TTYH1: variants seen among roughly 807,000 people sequenced by gnomAD.
The protein encoded by TTYH1 is tweety family member 1.
Under a neutral mutation model 61.2 loss-of-function variants are expected in TTYH1, and 33 were observed. That is an observed-to-expected ratio of 0.54 (90% CI 0.41 to 0.72). The LOEUF (loss-of-function observed/expected upper bound fraction) is 0.72, where lower values mean the gene tolerates loss of function less well. TTYH1 is among the 30% of genes least tolerant of loss of function. The probability of loss-of-function intolerance (pLI) is 0.00; values close to 1 mark genes in which losing one functional copy is unlikely to be tolerated. For synonymous variants in TTYH1, 308 were observed against 266.4 expected (o/e 1.16, Z -1.52); for missense variants, 538 against 575.8 (o/e 0.93, Z 0.67).
At chr19:54,431,234 T>C (rs1428579052) in intron 10 of TTYH1, 43 bp downstream of exon 10, 12 of 1,444,838 alleles carry the variant, frequency 8.3e-6, no homozygotes, top group Non-Finnish European at 1.2e-5. Flanking sequence ...ACGGGGGGCC[T>C]CTGTCTCGAC....
chr19:54,431,079 G>C lies in TTYH1; in HGVS notation c.1033-20G>C, dbSNP rs369258936. 1 of 1,597,024 alleles carries C rather than the reference G, an allele frequency of 6.3e-7. No individual in the cohort carries two copies. Among genetic ancestry groups the C allele is most frequent in the East Asian group, 2.2e-5 (1 of 44,792 alleles). On this transcript the variant is annotated intron_variant, in intron 9 of 13. Coordinates refer to ENST00000376530, the MANE Select transcript of TTYH1 (RefSeq NM_020659.4). Reference sequence around the variant, plus strand: ...GGGCCTGAAGAGTTCGTGGGAAAACGACCCCTCCTCGCCCCGCAGAAGCCT... The same window carrying C: ...GGGCCTGAAGAGTTCGTGGGAAAACCACCCCTCCTCGCCCCGCAGAAGCCT...
Position 54,429,154 on chromosome 19 carries a change from C to A in TTYH1, c.735-153C>A, listed in dbSNP as rs1460713576. ...GGACATCAGCAGCCACTGGCCTACCCCCAACCACTGAACTTGTGTTTCCCT... is the reference window on the plus strand; with the variant it reads ...GGACATCAGCAGCCACTGGCCTACCACCAACCACTGAACTTGTGTTTCCCT... On this transcript the variant is annotated intron_variant, in intron 5 of 13. Coordinates refer to ENST00000376530, the MANE Select transcript of TTYH1 (RefSeq NM_020659.4). The surrounding 1 kb of genome is among the most constrained non-coding windows in gnomAD (Gnocchi z 5.1). Among the ~76,000 whole-genome samples, 1 of 152,164 alleles carries A rather than the reference C, an allele frequency of 6.6e-6. No individual in the cohort carries two copies. The highest frequency in any genetic ancestry group is 1.5e-5 in the Non-Finnish European group (1 of 68,030).
At chr19:54,431,295 G>C in intron 10 of TTYH1, 104 bp downstream of exon 10, 1 of 754,554 alleles carries the variant, frequency 1.3e-6, no homozygotes, top group Non-Finnish European at 2.3e-6. Context: ...TGCGCCTGAG[G>C]ATATCTCTGT....
At chr19:54,418,498 C>T (rs1446624907) in intron 1 of TTYH1, 1 of 152,514 alleles carries the variant, frequency 6.6e-6, no homozygotes, top group Non-Finnish European at 1.5e-5. Context: ...CTCTCTCTCT[C>T]TCTCTTTCTG....
chr19:54,421,684 C>T lies in TTYH1; in HGVS notation c.417+296C>T, dbSNP rs2083220659. ...CCCTGTCCACGGGCCAGATCCAGGG[C>T]CCCAGACCTGATTCTTGGCCCGTAA... On this transcript the variant is annotated intron_variant, in intron 3 of 13. Transcript: ENST00000376530. This position sits in a 1 kb window ranked among gnomAD's most constrained non-coding sequence, Gnocchi z 4.8. Among the ~76,000 whole-genome samples, 5 of 152,114 alleles carry T rather than the reference C, an allele frequency of 3.3e-5. No homozygotes were observed. The South Asian group carries it at 1.0e-3, about 32-fold the overall frequency.
chr19:54,415,953 C>G lies in TTYH1; in HGVS notation c.126+275C>G, dbSNP rs557495933. The G allele has an allele frequency of 1.8e-5, 20 of 1,106,314 alleles. No individual in the cohort carries two copies. The highest frequency in any genetic ancestry group is 1.4e-4 in the South Asian group (10 of 72,620). 68.5% of individuals were successfully genotyped at this position (1,106,314 alleles called of 1,614,324 possible). ...TTCATGGAGAGGAGGGGAGGGGGGC[C>G]CGGATTCCCGGGTGTCTGATACCTG... On this transcript the variant is annotated intron_variant, in intron 1 of 13. Coordinates refer to ENST00000376530, the MANE Select transcript of TTYH1 (RefSeq NM_020659.4). This position sits in a 1 kb window ranked among gnomAD's most constrained non-coding sequence, Gnocchi z 5.2.
At position 54,415,520 on chromosome 19, in the gene TTYH1, G is replaced by T; in HGVS notation, c.-33G>T. 4.3e-6 allele frequency: 6 copies of T among 1,391,324 alleles called. No homozygotes were observed. Among genetic ancestry groups the T allele is most frequent in the Non-Finnish European group, 5.6e-6 (6 of 1,077,824 alleles). The allele number at this position is 1,391,324 out of a possible 1,614,324, so 86.2% of individuals were successfully genotyped here. On this transcript the variant is annotated 5_prime_UTR_variant, in exon 1 of 14. Coordinates refer to ENST00000376530, the MANE Select transcript of TTYH1 (RefSeq NM_020659.4). The surrounding 1 kb of genome is among the most constrained non-coding windows in gnomAD (Gnocchi z 5.2). ...GACTCCGGAGGCTCCCGCAGCCCCG[G>T]CGTCCGCCCCGCTGCCCCCTCCCCC...
Position 54,419,616 on chromosome 19 carries a change from G to T in TTYH1, c.305+310G>T. 1 of 629,000 alleles carries T rather than the reference G, an allele frequency of 1.6e-6. No individual in the cohort carries two copies. The highest frequency in any genetic ancestry group is 3.0e-6 in the Non-Finnish European group (1 of 337,768). The allele number at this position is 629,000 out of a possible 1,614,324, so 39.0% of individuals were successfully genotyped here. On this transcript the variant is annotated intron_variant, in intron 2 of 13. Coordinates refer to ENST00000376530, the MANE Select transcript of TTYH1 (RefSeq NM_020659.4). This position sits in a 1 kb window ranked among gnomAD's most constrained non-coding sequence, Gnocchi z 6.1. ...CATTGAATAGCTGTGTGACCTAAGG[G>T]AGTGATAGTCTCCCTGGGCCTCAAT...
Position 54,429,521 on chromosome 19 carries a change from T to C in TTYH1, c.807+142T>C. 1.3e-6 allele frequency: 1 copy of C among 784,148 alleles called. No individual in the cohort carries two copies. The highest frequency in any genetic ancestry group is 2.1e-6 in the Non-Finnish European group (1 of 480,958). The allele number at this position is 784,148 out of a possible 1,614,324, so 48.6% of individuals were successfully genotyped here. A position where few individuals can be genotyped will look rare whatever the true frequency, so the allele number is the denominator to read the frequency against. ...GCTCTGAGGTTTAGGGCTTGTTTCC[T>C]GGGGCCTGAGTGGGTACAGATTGGT... is the stretch of plus-strand genomic sequence containing the variant. On this transcript the variant is annotated intron_variant, in intron 6 of 13. Transcript: ENST00000376530. This position sits in a 1 kb window ranked among gnomAD's most constrained non-coding sequence, Gnocchi z 5.1.
Position 54,416,598 on chromosome 19 carries a change from C to T in TTYH1, c.126+920C>T, listed in dbSNP as rs571505677. 7.4e-4 allele frequency: 368 copies of T among 497,484 alleles called. 7 individuals carry two copies. The highest frequency in any genetic ancestry group is 6.7e-3 in the South Asian group (342 of 51,366). The allele number at this position is 497,484 out of a possible 1,614,324, so 30.8% of individuals were successfully genotyped here. On this transcript the variant is annotated intron_variant, in intron 1 of 13. Coordinates refer to ENST00000376530, the MANE Select transcript of TTYH1 (RefSeq NM_020659.4). The surrounding 1 kb of genome is among the most constrained non-coding windows in gnomAD (Gnocchi z 7.0). ...CCCCTGGGCTCCGTCTTGGGTTGCT[C>T]CTGGGAGAAGGGGGCTGGGATTGGA...
At position 54,435,622 on chromosome 19, in the gene TTYH1, T is replaced by G. The variant is rs1176286945; in HGVS notation, c.1206T>G (p.Ser402=). The change falls in exon 11 of 14, where the codon TCT becomes TCG. Residue 402 remains serine (S), a synonymous_variant. Coordinates refer to ENST00000376530, the MANE Select transcript of TTYH1 (RefSeq NM_020659.4). ...LLFLLLFSLL[S]AGALATALCS... is the part of the protein sequence containing the mutation. ...TCCTGCTACTCTTCTCCCTGCTGTC[T>G]GCAGGAGCGCTGGCCACTGCCCTCT... 1 of 1,612,040 alleles carries G rather than the reference T, an allele frequency of 6.2e-7. No individual in the cohort carries two copies. The highest frequency in any genetic ancestry group is 8.5e-7 in the Non-Finnish European group (1 of 1,179,640).
rs1247296247 is a variant in TTYH1, at chr19:54,429,976, G to A, written c.883+19G>A. 1.2e-6 allele frequency: 2 copies of A among 1,611,460 alleles called. No individual in the cohort carries two copies. Among genetic ancestry groups the A allele is most frequent in the Non-Finnish European group, 1.7e-6 (2 of 1,177,954 alleles). ...AGCTCAGGTGATTTCCAAGGGCCCG[G>A]TGGGTCCGCCGGGTTGGGCAGTGCA... On this transcript the variant is annotated intron_variant, in intron 7 of 13. Transcript: ENST00000376530. This position sits in a 1 kb window ranked among gnomAD's most constrained non-coding sequence, Gnocchi z 5.1.
At chr19:54,426,918 A>G in intron 5 of TTYH1, 150 bp downstream of exon 5, 1 of 649,966 alleles carries the variant, frequency 1.5e-6, no homozygotes, top group Non-Finnish European at 2.6e-6. Context: ...CCCAGGAGGG[A>G]GGCGGGGACA....
chr19:54,428,421 T>A (rs2083372730), intron 5 of TTYH1, among the ~76,000 whole-genome samples: 1 of 151,972 alleles, frequency 6.6e-6, no homozygotes, highest in Non-Finnish European at 1.5e-5. Flanking sequence ...AGATGGAGTC[T>A]TGCTATGTTG....
chr19:54,436,772 T>C lies in TTYH1; in HGVS notation c.*482T>C. The C allele has an allele frequency of 4.5e-6, 1 of 222,804 alleles. No homozygotes were observed. The highest frequency in any genetic ancestry group is 9.0e-6 in the Non-Finnish European group (1 of 111,140). 13.8% of individuals were successfully genotyped at this position (222,804 alleles called of 1,614,324 possible). A position where few individuals can be genotyped will look rare whatever the true frequency, so the allele number is the denominator to read the frequency against. On this transcript the variant is annotated 3_prime_UTR_variant, in exon 14 of 14. Coordinates refer to ENST00000376530, the MANE Select transcript of TTYH1 (RefSeq NM_020659.4). The surrounding 1 kb of genome is among the most constrained non-coding windows in gnomAD (Gnocchi z 4.3). ...CTTGATTCGGCCTCCTGGCCAGGGCTGGGACATCCTCCCTGCTGTCCTCTC... is the reference window on the plus strand; with the variant it reads ...CTTGATTCGGCCTCCTGGCCAGGGCCGGGACATCCTCCCTGCTGTCCTCTC...
rs997679040 is a variant in TTYH1 at position 54,421,023 on chromosome 19, C to A, written c.306-254C>A. Among the ~76,000 whole-genome samples the A allele has an allele frequency of 3.3e-5, 5 of 152,000 alleles. No individual in the cohort carries two copies. The highest frequency in any genetic ancestry group is 7.4e-5 in the Non-Finnish European group (5 of 67,944). ...GTGCGAGTTAAATCGGGGGCTCCCT[C>A]CCCCCCACCACTCCACCCACCATTA... On this transcript the variant is annotated intron_variant, in intron 2 of 13. Coordinates refer to ENST00000376530, the MANE Select transcript of TTYH1 (RefSeq NM_020659.4). The surrounding 1 kb of genome is among the most constrained non-coding windows in gnomAD (Gnocchi z 4.8).
Position 54,420,505 on chromosome 19 carries a change from C to G in TTYH1, c.306-772C>G, listed in dbSNP as rs973654883. Among the ~76,000 whole-genome samples, 1 of 151,452 alleles carries G rather than the reference C, an allele frequency of 6.6e-6. No individual in the cohort carries two copies. The highest frequency in any genetic ancestry group is 2.4e-5 in the African/African-American group (1 of 41,180). ...TGGAGGCCCAGCCGGGGCTGGGAAC[C>G]GGGAGGGTGTCAGGCTCCCGCCCCC... On this transcript the variant is annotated intron_variant, in intron 2 of 13. Transcript: ENST00000376530. The surrounding 1 kb of genome is among the most constrained non-coding windows in gnomAD (Gnocchi z 4.8).
At position 54,415,479 on chromosome 19, in the gene TTYH1, C is replaced by A. The variant is rs1008009502; in HGVS notation, c.-74C>A. ...CCCTGAGCCCAGCCAGACCCCGCGC[C>A]GCCCGCGCCCCGCTCGACTCCGGAG... On this transcript the variant is annotated 5_prime_UTR_variant, in exon 1 of 14. Transcript: ENST00000376530. This position sits in a 1 kb window ranked among gnomAD's most constrained non-coding sequence, Gnocchi z 5.2. 5 of 1,276,944 alleles carry A rather than the reference C, an allele frequency of 3.9e-6. No individual in the cohort carries two copies. The highest frequency in any genetic ancestry group is 1.6e-5 in the African/African-American group (1 of 63,160). 79.1% of individuals were successfully genotyped at this position (1,276,944 alleles called of 1,614,324 possible). A position where few individuals can be genotyped will look rare whatever the true frequency, so the allele number is the denominator to read the frequency against.
chr19:54,422,461 C>T (rs1262820443), intron 4 of TTYH1, 51 bp downstream of exon 4: 4 of 1,438,562 alleles, frequency 2.8e-6, no homozygotes, highest in Admixed American at 4.9e-5. Context: ...CAGGCGGAGT[C>T]CCCGGGGGGA....
Sources: gnomAD v4.1 joint callset for allele counts (sites outside exome capture counted in the v4.1 genomes callset) on GRCh38, gnomAD v4.1.1 for gene constraint, Gnocchi (gnomAD v3.1) non-coding constraint, MANE v1.5 for transcripts, NCBI Gene and HGNC (gene_info 2026-07-23, HGNC 2026-07-21) for gene names.